RPS6KA5: variants seen among roughly 807,000 people sequenced by gnomAD.
RPS6KA5 encodes ribosomal protein S6 kinase A5.
A neutral mutation model predicts 85.5 loss-of-function variants in RPS6KA5; 27 were observed. The observed-to-expected ratio is 0.32, with a 90% confidence interval of 0.23 to 0.44. The LOEUF (loss-of-function observed/expected upper bound fraction) is 0.44, where lower values mean the gene tolerates loss of function less well. Ranked by LOEUF, RPS6KA5 falls within the 20% of genes least tolerant of loss-of-function variation. RPS6KA5 has a pLI of 1.00. For synonymous variants in RPS6KA5, 334 were observed against 348.2 expected, an observed-to-expected ratio of 0.96 and a Z score of 0.46; for missense variants, 811 against 980.9, an observed-to-expected ratio of 0.83 and a Z score of 2.31.
chr14:90,952,108 G>A (rs1297423507), intron 3 of RPS6KA5, among the ~76,000 whole-genome samples: 2 of 152,164 alleles, frequency 1.3e-5, no homozygotes, highest in Non-Finnish European at 2.9e-5. Context: ...ATCAGGCATT[G>A]CCACCGCCGC....
At position 90,861,487 on chromosome 14, in the gene RPS6KA5, A is replaced by C. The variant is rs953336679; in HGVS notation, c.*10587T>G. The C allele has an allele frequency of 6.7e-6, 1 of 149,346 alleles. No individual in the cohort carries two copies. The highest frequency in any genetic ancestry group is 2.5e-5 in the African/African-American group (1 of 40,722). 9.3% of individuals were successfully genotyped at this position (149,346 alleles called of 1,614,324 possible). A position where few individuals can be genotyped will look rare whatever the true frequency, so the allele number is the denominator to read the frequency against. On this transcript the variant is annotated 3_prime_UTR_variant, in exon 17 of 17. Coordinates refer to ENST00000614987, the MANE Select transcript of RPS6KA5 (RefSeq NM_004755.4). ...CAGTGAGCCGAGATCCCGCCACTGC[A>C]CTCCAGCCTGGGCGACAGAGCGAGA...
intron 14 of RPS6KA5, among the ~76,000 whole-genome samples, chr14:90,887,079 T>G (rs2140182073): frequency 6.6e-6 from 1 of 152,366 alleles, no homozygotes; most frequent in South Asian, 2.1e-4. Context: ...TGCATTCATT[T>G]ATATAGAAAA....
At chr14:90,983,389 C>G (rs1286069) in intron 2 of RPS6KA5, among the ~76,000 whole-genome samples, 28,209 of 151,724 alleles carry the variant, frequency 0.19, 2,779 homozygotes, top group East Asian at 0.32. Flanking sequence ...CACTTGAGCC[C>G]AGGAGTTTAA....
At chr14:90,894,341 T>A (rs1203961805) in intron 13 of RPS6KA5, 72 bp downstream of exon 13, 7 of 1,409,724 alleles carry the variant, frequency 5.0e-6, no homozygotes, top group Admixed American at 2.5e-5. Flanking sequence ...CCCCAGAAAC[T>A]TCCCCCATGT....
At chr14:91,053,851 T>C (rs1566913640) in intron 1 of RPS6KA5, among the ~76,000 whole-genome samples, 1 of 152,152 alleles carries the variant, frequency 6.6e-6, no homozygotes, top group Non-Finnish European at 1.5e-5. Context: ...AACAAGCTGA[T>C]CCTAGAATCC....
rs1356099999 is a variant in RPS6KA5 at position 90,867,578 on chromosome 14, C to T, written c.*4496G>A. The T allele has an allele frequency of 6.6e-6, 1 of 152,128 alleles. No individual in the cohort carries two copies. Among genetic ancestry groups the T allele is most frequent in the Non-Finnish European group, 1.5e-5 (1 of 68,008 alleles). 9.4% of individuals were successfully genotyped at this position (152,128 alleles called of 1,614,324 possible). ...TACTACAAAATGTCCTTCTACCTCTCCCACAAGAAATACACCAGGAAACTT... is the reference window on the plus strand; with the variant it reads ...TACTACAAAATGTCCTTCTACCTCTTCCACAAGAAATACACCAGGAAACTT... On this transcript the variant is annotated 3_prime_UTR_variant, in exon 17 of 17. Transcript: ENST00000614987.
chr14:90,863,741 C>T lies in RPS6KA5; in HGVS notation c.*8333G>A, dbSNP rs1024351324. On this transcript the variant is annotated 3_prime_UTR_variant, in exon 17 of 17. Transcript: ENST00000614987. Reference sequence around the variant, plus strand: ...AAACACTGGTGAGACAAATTAAATACCTAAGTAAATAGAGGGATATACCAT... The same window carrying T: ...AAACACTGGTGAGACAAATTAAATATCTAAGTAAATAGAGGGATATACCAT... The T allele has an allele frequency of 3.5e-4, 54 of 152,186 alleles. No individual in the cohort carries two copies. Among genetic ancestry groups the T allele is most frequent in the African/African-American group, 1.2e-3 (50 of 41,522 alleles). 9.4% of individuals were successfully genotyped at this position (152,186 alleles called of 1,614,324 possible). A position where few individuals can be genotyped will look rare whatever the true frequency, so the allele number is the denominator to read the frequency against.
At chr14:90,916,404 G>A (rs911333700) in intron 7 of RPS6KA5, among the ~76,000 whole-genome samples, 5 of 152,164 alleles carry the variant, frequency 3.3e-5, no homozygotes, top group East Asian at 1.9e-4. Flanking sequence ...CAAAAATGGC[G>A]AACAGATAAC....
At chr14:90,981,152 CAA>C (rs1328913667) in intron 2 of RPS6KA5, among the ~76,000 whole-genome samples, 1 of 152,212 alleles carries the variant, frequency 6.6e-6, no homozygotes, top group Non-Finnish European at 1.5e-5. Flanking sequence ...GCCTGGGCAA[CAA>C]GAGTGAAACT....
At chr14:91,050,763 AT>A (rs1595561053) in intron 1 of RPS6KA5, among the ~76,000 whole-genome samples, 1 of 151,784 alleles carries the variant, frequency 6.6e-6, no homozygotes, top group Non-Finnish European at 1.5e-5. Context: ...GTTTAAAAAA[AT>A]AAAAATAAAA....
intron 2 of RPS6KA5, among the ~76,000 whole-genome samples, chr14:90,997,579 C>T (rs988979132): frequency 6.6e-6 from 1 of 152,270 alleles, no homozygotes; most frequent in Middle Eastern, 3.4e-3. Context: ...GGGAGTCTCA[C>T]TATTTTGCCC....
At chr14:90,942,050 G>C (rs2037599577) in intron 5 of RPS6KA5, among the ~76,000 whole-genome samples, 1 of 152,178 alleles carries the variant, frequency 6.6e-6, no homozygotes, top group African/African-American at 2.4e-5. Context: ...CATGAAGGCA[G>C]AGATCATTTT....
chr14:90,967,677 A>G (rs965804552), intron 3 of RPS6KA5, among the ~76,000 whole-genome samples: 2 of 152,236 alleles, frequency 1.3e-5, no homozygotes, highest in Non-Finnish European at 2.9e-5. Flanking sequence ...TTAAAATTGC[A>G]GAGATATCTG....
At chr14:90,927,555 T>C (rs1396685612) in intron 5 of RPS6KA5, among the ~76,000 whole-genome samples, 1 of 152,128 alleles carries the variant, frequency 6.6e-6, no homozygotes, top group African/African-American at 2.4e-5. Flanking sequence ...TGGAGTATCT[T>C]TATTAATAGG....
rs1223027765 is a variant in RPS6KA5, at chr14:90,867,068, A to G, written c.*5006T>C. 6.6e-6 allele frequency: 1 copy of G among 152,224 alleles called. No individual in the cohort carries two copies. Among genetic ancestry groups the G allele is most frequent in the East Asian group, 1.9e-4 (1 of 5,200 alleles). 9.4% of individuals were successfully genotyped at this position (152,224 alleles called of 1,614,324 possible). Reference sequence around the variant, plus strand: ...CACATGACCAGCCTCTTATGTAGTTAAAAATAAAACTGCAGTTTTAAAATG... The same window carrying G: ...CACATGACCAGCCTCTTATGTAGTTGAAAATAAAACTGCAGTTTTAAAATG... On this transcript the variant is annotated 3_prime_UTR_variant, in exon 17 of 17. Transcript: ENST00000614987.
chr14:90,976,345 T>C (rs1026838514), intron 3 of RPS6KA5, among the ~76,000 whole-genome samples: 2 of 152,128 alleles, frequency 1.3e-5, no homozygotes, highest in Admixed American at 1.3e-4. Context: ...TATGAGTTTA[T>C]TGTCAAGGGA....
Position 90,848,292 on chromosome 14 carries a change from G to A in RPS6KA5, c.*23782C>T, listed in dbSNP as rs1241780508. The A allele has an allele frequency of 6.6e-6, 1 of 152,116 alleles. No homozygotes were observed. The highest frequency in any genetic ancestry group is 1.9e-4 in the East Asian group (1 of 5,194). The allele number at this position is 152,116 out of a possible 1,614,324, so 9.4% of individuals were successfully genotyped here. ...TATAATAAAGCACTCAAAGAACATC[G>A]AAATAACTTCATATCTATAGCAACG... On this transcript the variant is annotated 3_prime_UTR_variant, in exon 17 of 17. Transcript: ENST00000614987.
At chr14:91,001,846 A>G (rs1211969435) in intron 1 of RPS6KA5, among the ~76,000 whole-genome samples, 1 of 152,196 alleles carries the variant, frequency 6.6e-6, no homozygotes, top group Non-Finnish European at 1.5e-5. Context: ...GTCCTATCCT[A>G]TAATAGGTGT....
chr14:90,884,004 G>A (rs1412433300), intron 14 of RPS6KA5, among the ~76,000 whole-genome samples: 17 of 152,142 alleles, frequency 1.1e-4, no homozygotes, highest in Admixed American at 1.1e-3. Context: ...GGAAAAAGGG[G>A]GACTGGTCCT....
Sources: allele counts gnomAD v4.1 joint callset (sites outside exome capture counted in the v4.1 genomes callset), GRCh38; gene constraint gnomAD v4.1.1; transcripts MANE v1.5; gene names NCBI Gene and HGNC (gene_info 2026-07-23, HGNC 2026-07-21).